FAR1: variants seen among roughly 807,000 people sequenced by gnomAD.
FAR1 encodes male sterility domain-containing protein 2.
A neutral mutation model predicts 61.1 loss-of-function variants in FAR1; 22 were observed. The observed-to-expected ratio is 0.36, with a 90% CI of 0.26 to 0.51. The LOEUF (loss-of-function observed/expected upper bound fraction) is 0.51. Among genes scored for constraint, FAR1 ranks in the 20% least tolerant of loss-of-function variants. The pLI is 0.95. For synonymous variants in FAR1, 206 were observed against 209.7 expected, an observed-to-expected ratio of 0.98 and a Z score of 0.15; for missense variants, 359 against 626.9, an observed-to-expected ratio of 0.57 and a Z score of 4.56.
At chr11:13,697,651 ATC>A (rs1266254445) in intron 2 of FAR1, among the ~76,000 whole-genome samples, 1 of 152,152 alleles carries the variant, frequency 6.6e-6, no homozygotes, top group Non-Finnish European at 1.5e-5. Context: ...CACATTTAAG[ATC>A]TAGCAAGTTT....
chr11:13,679,843 C>G (rs1409113833), intron 1 of FAR1, among the ~76,000 whole-genome samples: 1 of 152,066 alleles, frequency 6.6e-6, no homozygotes, highest in Non-Finnish European at 1.5e-5. Context: ...TGTCAAAGTG[C>G]CATGCTTATG....
intron 4 of FAR1, among the ~76,000 whole-genome samples, chr11:13,709,176 TCTG>T (rs1369718018): frequency 1.3e-5 from 2 of 152,180 alleles, no homozygotes; most frequent in Non-Finnish European, 2.9e-5. Flanking sequence ...TTAGTTAACA[TCTG>T]CTGCTTTCTC....
chr11:13,703,774 G>A (rs559171588), intron 3 of FAR1, among the ~76,000 whole-genome samples: 93 of 152,056 alleles, frequency 6.1e-4, no homozygotes, highest in Admixed American at 1.0e-3. Context: ...CTGGGCGTGG[G>A]GGCTCACGCC....
chr11:13,690,944 T>C (rs1157329713), intron 1 of FAR1, among the ~76,000 whole-genome samples: 2 of 152,222 alleles, frequency 1.3e-5, no homozygotes, highest in Non-Finnish European at 2.9e-5. Context: ...TTTCCAATTC[T>C]TGATGGTTTT....
chr11:13,712,788 G>A (rs1591268490), intron 7 of FAR1, among the ~76,000 whole-genome samples, 178 bp from the exon 8 acceptor site: 1 of 152,036 alleles, frequency 6.6e-6, no homozygotes, highest in Non-Finnish European at 1.5e-5. Flanking sequence ...AGGGGAAGAA[G>A]AAAGGGTAGT....
chr11:13,702,215 T>C (rs1420364715), intron 3 of FAR1, among the ~76,000 whole-genome samples: 1 of 152,160 alleles, frequency 6.6e-6, no homozygotes, highest in Non-Finnish European at 1.5e-5. Flanking sequence ...TCATAACATA[T>C]ATGTGTAGAT....
intron 4 of FAR1, among the ~76,000 whole-genome samples, chr11:13,708,447 G>GCGCGCACACACACACACACACACA (rs139902063): frequency 6.6e-5 from 9 of 136,700 alleles, no homozygotes; most frequent in Non-Finnish European, 7.8e-5. Flanking sequence ...GCGCGCGCGC[G>GCGCGCACACACACACACACACACA]CACACACACA....
intron 3 of FAR1, among the ~76,000 whole-genome samples, chr11:13,704,044 CAA>C (rs55995847): frequency 4.2e-3 from 332 of 79,606 alleles, no homozygotes; most frequent in South Asian, 6.4e-3. Context: ...AACTCCGTCT[CAA>C]AAAAAAAAAA....
chr11:13,692,146 G>A (rs747289370), intron 1 of FAR1, among the ~76,000 whole-genome samples: 1 of 152,230 alleles, frequency 6.6e-6, no homozygotes, highest in Admixed American at 6.5e-5. Context: ...CAGCCTGGGT[G>A]ACAGAGTGAG....
chr11:13,676,150 AATT>A (rs887822779), intron 1 of FAR1, among the ~76,000 whole-genome samples: 1 of 152,186 alleles, frequency 6.6e-6, no homozygotes, highest in African/African-American at 2.4e-5. Context: ...AAGTGTTTTT[AATT>A]ATTAAGAGTG....
chr11:13,703,701 A>G (rs1468900530), intron 3 of FAR1, among the ~76,000 whole-genome samples: 1 of 152,176 alleles, frequency 6.6e-6, no homozygotes, highest in Admixed American at 6.5e-5. Flanking sequence ...AAATCTTGAG[A>G]CAGGAGAAAA....
chr11:13,685,590 G>T, intron 1 of FAR1: 1 of 213,972 alleles, frequency 4.7e-6, no homozygotes, highest in South Asian at 8.1e-5. Context: ...CTGGGAGTGG[G>T]ACAATTTTTT....
At chr11:13,702,407 A>G (rs1848386768) in intron 3 of FAR1, among the ~76,000 whole-genome samples, 1 of 152,162 alleles carries the variant, frequency 6.6e-6, no homozygotes, top group South Asian at 2.1e-4. Context: ...AACACCTATA[A>G]GAAATCTTAA....
rs766940262 is a variant in FAR1 at position 13,694,982 on chromosome 11, C to T, written c.189+28C>T. 9 of 1,565,180 alleles carry T rather than the reference C, an allele frequency of 5.8e-6. No homozygotes were observed. The African/African-American group carries it at 6.8e-5, about 12-fold the overall frequency. On this transcript the variant is annotated intron_variant, in intron 2 of 11. Coordinates refer to ENST00000354817, the MANE Select transcript of FAR1 (RefSeq NM_032228.6). The stretch of plus-strand genomic sequence containing the variant: ...AAGTATGGAAAATGAGCACTCAGAA[C>T]AAAGAAAAAAGCGTGTGCTTGTGTA...
intron 1 of FAR1, among the ~76,000 whole-genome samples, chr11:13,688,394 A>G (rs1248279246): frequency 6.6e-6 from 1 of 152,164 alleles, no homozygotes; most frequent in African/African-American, 2.4e-5. Context: ...GCCTAACAGA[A>G]TATTTATTTT....
chr11:13,692,333 T>C (rs1358638476), intron 1 of FAR1, among the ~76,000 whole-genome samples: 3 of 152,206 alleles, frequency 2.0e-5, no homozygotes, highest in Non-Finnish European at 4.4e-5. Flanking sequence ...GGATAGGGGA[T>C]ACTTAACCTT....
chr11:13,727,009 GGC>G (rs1261824681), intron 10 of FAR1, among the ~76,000 whole-genome samples: 3 of 151,904 alleles, frequency 2.0e-5, no homozygotes, highest in African/African-American at 7.2e-5. Flanking sequence ...CATTTCTGAA[GGC>G]TTTCTTTTCT....
rs1049048921 is a variant in FAR1, at chr11:13,731,729, C to T, written c.*2955C>T. 2 of 152,078 alleles carry T rather than the reference C, an allele frequency of 1.3e-5. No individual in the cohort carries two copies. Among genetic ancestry groups the T allele is most frequent in the African/African-American group, 4.8e-5 (2 of 41,396 alleles). The allele number at this position is 152,078 out of a possible 1,614,324, so 9.4% of individuals were successfully genotyped here. A position where few individuals can be genotyped will look rare whatever the true frequency, so the allele number is the denominator to read the frequency against. ...TTTTTATGTATTACCTGGAATGAGG[C>T]AGGTTTTTTTCTGTTTTCTAAAAAG... On this transcript the variant is annotated 3_prime_UTR_variant, in exon 12 of 12. Coordinates refer to ENST00000354817, the MANE Select transcript of FAR1 (RefSeq NM_032228.6).
rs912230897 is a variant in FAR1 at position 13,711,011 on chromosome 11, T to C, written c.723+141T>C. On this transcript the variant is annotated intron_variant, in intron 5 of 11. Coordinates refer to ENST00000354817, the MANE Select transcript of FAR1 (RefSeq NM_032228.6). ...CCATGGCAAAGCTGTTTTGTGTTCA[T>C]AGAGTTAATTTTATTGGTACTTTCA... is the stretch of plus-strand genomic sequence containing the variant. 9.0e-6 allele frequency: 6 copies of C among 669,310 alleles called. No individual in the cohort carries two copies. In the African/African-American group the frequency reaches 9.5e-5, roughly 11 times the overall value. 41.5% of individuals were successfully genotyped at this position (669,310 alleles called of 1,614,324 possible).
Sources: gnomAD v4.1 joint callset for allele counts (sites outside exome capture counted in the v4.1 genomes callset) on GRCh38, gnomAD v4.1.1 for gene constraint, MANE v1.5 for transcripts, NCBI Gene and HGNC (gene_info 2026-07-23, HGNC 2026-07-21) for gene names.